SDK1: variants seen among roughly 807,000 people sequenced by gnomAD.
The protein encoded by SDK1 is sidekick cell adhesion molecule 1.
Under a neutral mutation model 245.5 loss-of-function variants are expected in SDK1, and 157 were observed. That is an observed-to-expected ratio of 0.64 (90% CI 0.56 to 0.73). The LOEUF is 0.73. Ranked by LOEUF, SDK1 falls within the 30% of genes least tolerant of loss-of-function variation. SDK1 has a pLI of 0.00. For synonymous variants in SDK1, 1,647 were observed against 1,278.5 expected (o/e 1.29, Z -6.15); for missense variants, 3,583 against 3,002.3 (o/e 1.19, Z -4.52).
chr7:4,058,152 A>C (rs1212854527), intron 19 of SDK1, among the ~76,000 whole-genome samples: 1 of 152,174 alleles, frequency 6.6e-6, no homozygotes, highest in African/African-American at 2.4e-5. Flanking sequence ...ATACAAAATA[A>C]TCCAAAAAAC....
chr7:3,510,565 A>G (rs7805283), intron 1 of SDK1, among the ~76,000 whole-genome samples: 1 of 151,920 alleles, frequency 6.6e-6, no homozygotes, highest in Non-Finnish European at 1.5e-5. Context: ...ACTTCTGTGC[A>G]CTTTTGAGGT....
chr7:3,706,188 G>T (rs558997985), intron 4 of SDK1, among the ~76,000 whole-genome samples: 1 of 152,082 alleles, frequency 6.6e-6, no homozygotes, highest in Non-Finnish European at 1.5e-5. Context: ...GAGGATTTTT[G>T]CATCTATATT....
intron 29 of SDK1, among the ~76,000 whole-genome samples, chr7:4,147,095 G>C (rs1392714210): frequency 6.6e-6 from 1 of 152,252 alleles, no homozygotes; most frequent in Non-Finnish European, 1.5e-5. Context: ...GCCAGACCCA[G>C]GGACCCTGTG....
At chr7:3,879,849 C>T (rs10241703) in intron 5 of SDK1, among the ~76,000 whole-genome samples, 31,632 of 152,018 alleles carry the variant, frequency 0.21, 3,434 homozygotes, top group Middle Eastern at 0.32. Context: ...TTAACCTTTG[C>T]GCGGCTGTCA....
chr7:4,091,840 C>A (rs1310371792), intron 22 of SDK1, among the ~76,000 whole-genome samples: 2 of 152,142 alleles, frequency 1.3e-5, no homozygotes, highest in African/African-American at 4.8e-5. Context: ...AGTTCTGCAG[C>A]CCCCTCTTCT....
intron 1 of SDK1, among the ~76,000 whole-genome samples, chr7:3,428,660 T>C (rs1301391965): frequency 6.6e-6 from 1 of 152,188 alleles, no homozygotes; most frequent in Non-Finnish European, 1.5e-5. Flanking sequence ...GGGCTAACCA[T>C]GTAAGACTGC....
chr7:4,178,130 C>A (rs1321849867), intron 34 of SDK1, among the ~76,000 whole-genome samples: 1 of 152,226 alleles, frequency 6.6e-6, no homozygotes, highest in East Asian at 1.9e-4. Flanking sequence ...CACTCACCCG[C>A]TACTCACCTC....
chr7:3,546,447 C>G (rs1258789241), intron 1 of SDK1, among the ~76,000 whole-genome samples: 2 of 152,202 alleles, frequency 1.3e-5, no homozygotes, highest in African/African-American at 4.8e-5. Context: ...ATAAGGCTCT[C>G]TGAAGGTATC....
At chr7:4,193,625 C>G (rs1394758402) in intron 35 of SDK1, among the ~76,000 whole-genome samples, 3 of 151,956 alleles carry the variant, frequency 2.0e-5, no homozygotes, top group Non-Finnish European at 2.9e-5. Context: ...TAGTAGACAC[C>G]TGGCAAGGCT....
chr7:3,912,496 G>C (rs922287780), intron 5 of SDK1, among the ~76,000 whole-genome samples: 2 of 152,192 alleles, frequency 1.3e-5, no homozygotes, highest in Non-Finnish European at 2.9e-5. Flanking sequence ...CAAGAAGAAA[G>C]GCCAGTGAGA....
At chr7:3,587,201 C>T (rs1780718209) in intron 1 of SDK1, among the ~76,000 whole-genome samples, 1 of 151,908 alleles carries the variant, frequency 6.6e-6, no homozygotes, top group Admixed American at 6.6e-5. Flanking sequence ...CAATTTGAGG[C>T]CAAAGACAGA....
At chr7:3,653,252 C>A (rs1783063977) in intron 4 of SDK1, among the ~76,000 whole-genome samples, 1 of 152,176 alleles carries the variant, frequency 6.6e-6, no homozygotes. Context: ...TGTGGGTCAC[C>A]CCTCCTTCCT....
intron 1 of SDK1, among the ~76,000 whole-genome samples, chr7:3,569,681 A>G (rs1300909178): frequency 6.6e-6 from 1 of 152,248 alleles, no homozygotes; most frequent in Non-Finnish European, 1.5e-5. Context: ...AGCCATGACT[A>G]TAGAATTATT....
At chr7:3,861,716 C>G (rs1780696322) in intron 5 of SDK1, among the ~76,000 whole-genome samples, 1 of 152,134 alleles carries the variant, frequency 6.6e-6, no homozygotes. Flanking sequence ...GTAAAACATT[C>G]TGAATCAATT....
chr7:3,558,567 G>A (rs1676044144), intron 1 of SDK1, among the ~76,000 whole-genome samples: 1 of 152,232 alleles, frequency 6.6e-6, no homozygotes. Context: ...ATGTGGACAG[G>A]GAGGGAGAGG....
At chr7:3,867,860 C>T (rs1364009401) in intron 5 of SDK1, among the ~76,000 whole-genome samples, 3 of 152,126 alleles carry the variant, frequency 2.0e-5, no homozygotes. Flanking sequence ...CATTCCTTGA[C>T]TATGCATGGA....
intron 4 of SDK1, among the ~76,000 whole-genome samples, chr7:3,778,236 T>G (rs934828347): frequency 4.6e-5 from 7 of 151,002 alleles, no homozygotes; most frequent in Non-Finnish European, 7.4e-5. Flanking sequence ...AAGCTGGAGG[T>G]TTTTTTTTCC....
At chr7:3,955,127 G>A (rs1434504544) in intron 7 of SDK1, among the ~76,000 whole-genome samples, 1 of 152,160 alleles carries the variant, frequency 6.6e-6, no homozygotes, top group Non-Finnish European at 1.5e-5. Context: ...GAGCACGATG[G>A]CTCGGAAACT....
intron 20 of SDK1, among the ~76,000 whole-genome samples, chr7:4,068,791 G>A (rs1488104612): frequency 1.3e-5 from 2 of 151,702 alleles, no homozygotes; most frequent in African/African-American, 4.9e-5. Context: ...GCGTGATCTC[G>A]GCTCACTGCA....
Sources: gnomAD v4.1 joint callset for allele counts (sites outside exome capture counted in the v4.1 genomes callset) on GRCh38, gnomAD v4.1.1 for gene constraint, MANE v1.5 for transcripts, NCBI Gene and HGNC (gene_info 2026-07-23, HGNC 2026-07-21) for gene names.